Variants in EFCAB13 observed in about 807,000 individuals in gnomAD.
EFCAB13 encodes the protein EF-hand calcium binding domain 13, also known as EF-hand calcium-binding domain-containing protein 13.
A neutral mutation model predicts 110.2 loss-of-function variants in EFCAB13; 91 were observed. That is an observed-to-expected ratio of 0.83 (90% CI 0.70 to 0.98). The LOEUF is 0.98. Ranked by LOEUF, EFCAB13 falls within the 50% of genes least tolerant of loss-of-function variation. EFCAB13 has a pLI of 0.00. For synonymous variants in EFCAB13, 323 were observed against 369.9 expected, an observed-to-expected ratio of 0.87 and a Z score of 1.45; for missense variants, 968 against 1,119.4, an observed-to-expected ratio of 0.86 and a Z score of 1.93.
intron 17 of EFCAB13, among the ~76,000 whole-genome samples, chr17:47,399,112 G>T (rs1416673682): frequency 6.6e-6 from 1 of 152,060 alleles, no homozygotes; most frequent in Non-Finnish European, 1.5e-5. Flanking sequence ...ACGGGGTTTT[G>T]TCATGTTGTC....
intron 6 of EFCAB13, among the ~76,000 whole-genome samples, chr17:47,342,717 A>G (rs568976885): frequency 1.3e-5 from 2 of 151,920 alleles, no homozygotes; most frequent in South Asian, 4.2e-4. Context: ...CCCTCTTTCA[A>G]TCTCTTTACT....
intron 24 of EFCAB13, among the ~76,000 whole-genome samples, chr17:47,440,066 G>T (rs1432539815): frequency 2.0e-5 from 3 of 151,732 alleles, no homozygotes; most frequent in African/African-American, 7.3e-5. Flanking sequence ...CTGTAGTTTT[G>T]TAGGCAATTA....
intron 17 of EFCAB13, among the ~76,000 whole-genome samples, chr17:47,396,735 T>C (rs2065740543): frequency 6.6e-6 from 1 of 152,204 alleles, no homozygotes; most frequent in Admixed American, 6.5e-5. Flanking sequence ...TTTTCATCCA[T>C]TAAGCTTCCA....
chr17:47,347,938 T>G lies in EFCAB13; in HGVS notation c.648T>G (p.Thr216=). The G allele has an allele frequency of 6.7e-7, 1 of 1,501,034 alleles. No homozygotes were observed. Among genetic ancestry groups the G allele is most frequent in the Non-Finnish European group, 9.0e-7 (1 of 1,111,924 alleles). The allele number at this position is 1,501,034 out of a possible 1,614,324, so 93.0% of individuals were successfully genotyped here. Reference sequence around the variant, plus strand: ...TAGAAATGCGACAGGCACTAAAGACTGTTGATATTGATGGTAAGTTTTATC... The same window carrying G: ...TAGAAATGCGACAGGCACTAAAGACGGTTGATATTGATGGTAAGTTTTATC... ...SDLEMRQALK[T]VDIDAFQDAL... Residue 216 remains threonine, a synonymous_variant, in exon 9 of 25, where the codon ACT becomes ACG. Transcript: ENST00000331493.
chr17:47,324,312 G>T lies in EFCAB13; in HGVS notation c.-317-142G>T, dbSNP rs549290851. 162 of 153,002 alleles carry T rather than the reference G, an allele frequency of 1.1e-3. 1 individual carries two copies. Among genetic ancestry groups the T allele is most frequent in the Non-Finnish European group, 1.3e-3 (88 of 68,558 alleles). 9.5% of individuals were successfully genotyped at this position (153,002 alleles called of 1,614,324 possible). A position where few individuals can be genotyped will look rare whatever the true frequency, so the allele number is the denominator to read the frequency against. ...ATCAGGTGGTTCCTCAGAAATGGTGGTTGTTGTAGAAGGCTGGCGGTCCCG... is the reference window on the plus strand; with the variant it reads ...ATCAGGTGGTTCCTCAGAAATGGTGTTTGTTGTAGAAGGCTGGCGGTCCCG... On this transcript the variant is annotated intron_variant, in intron 1 of 24. Transcript: ENST00000331493.
chr17:47,405,125 A>G (rs1239015491), intron 20 of EFCAB13, among the ~76,000 whole-genome samples: 1 of 152,186 alleles, frequency 6.6e-6, no homozygotes, highest in Non-Finnish European at 1.5e-5. Flanking sequence ...GTGTTCCACT[A>G]TATTATGTAA....
At chr17:47,387,643 G>GGAT (rs200257056) in intron 14 of EFCAB13, among the ~76,000 whole-genome samples, 7,580 of 152,242 alleles carry the variant, frequency 0.05, 251 homozygotes, top group East Asian at 0.11. Flanking sequence ...ACACATTGCT[G>GGAT]TCTTATTAAG....
At chr17:47,358,006 A>T (rs1016562198) in intron 9 of EFCAB13, among the ~76,000 whole-genome samples, 9 of 152,190 alleles carry the variant, frequency 5.9e-5, no homozygotes, top group African/African-American at 2.2e-4. Flanking sequence ...GTGTTCTGAG[A>T]CTAATCAAGA....
intron 24 of EFCAB13, among the ~76,000 whole-genome samples, chr17:47,438,211 C>A (rs543289366): frequency 2.0e-5 from 3 of 152,168 alleles, no homozygotes; most frequent in Admixed American, 6.5e-5. Flanking sequence ...ACAGCTCTTA[C>A]GAGTCTTTCC....
intron 23 of EFCAB13, among the ~76,000 whole-genome samples, chr17:47,419,951 C>CACGGTCTCCCTCTCCCT (rs1253627016): frequency 9.7e-5 from 14 of 144,556 alleles, no homozygotes; most frequent in South Asian, 4.4e-4. Context: ...TCCCTCTCCC[C>CACGGTCTCCCTCTCCCT]ACGGTCTCCC....
chr17:47,388,646 GT>G (rs2065689580), intron 14 of EFCAB13, among the ~76,000 whole-genome samples: 1 of 151,918 alleles, frequency 6.6e-6, no homozygotes, highest in African/African-American at 2.4e-5. Context: ...TACTTTGTTG[GT>G]GGTCCATTGG....
At chr17:47,344,120 G>T (rs1185283432) in intron 6 of EFCAB13, 42 bp from the exon 7 acceptor site, 5 of 1,588,416 alleles carry the variant, frequency 3.1e-6, no homozygotes, top group Non-Finnish European at 3.4e-6. Flanking sequence ...AATTACCAGT[G>T]TCACTCACCT....
At chr17:47,423,447 G>A (rs1904794411) in intron 23 of EFCAB13, 1 of 199,014 alleles carries the variant, frequency 5.0e-6, no homozygotes, top group African/African-American at 2.3e-5. Context: ...GCGGCCCGGG[G>A]CGGAGTTGGC....
chr17:47,399,642 GA>G (rs996111055), intron 17 of EFCAB13, among the ~76,000 whole-genome samples: 2 of 150,940 alleles, frequency 1.3e-5, no homozygotes, highest in Admixed American at 1.3e-4. Context: ...ATGTTAAAAA[GA>G]AAAAAAACCC....
rs548994560 is a variant in EFCAB13 at position 47,334,311 on chromosome 17, C to A, written c.31-885C>A. 3.3e-5 allele frequency among the ~76,000 whole-genome samples: 5 copies of A among 151,920 alleles called. No individual in the cohort carries two copies. In the South Asian group the frequency reaches 1.0e-3, roughly 31 times the overall value. ...CTTTAGCTCATTTTAAAATTGAGTTCTTTTTTATTATGTTTTAAGAGTTCT... is the reference window on the plus strand; with the variant it reads ...CTTTAGCTCATTTTAAAATTGAGTTATTTTTTATTATGTTTTAAGAGTTCT... On this transcript the variant is annotated intron_variant, in intron 4 of 24. Coordinates refer to ENST00000331493, the MANE Select transcript of EFCAB13 (RefSeq NM_152347.5).
intron 21 of EFCAB13, among the ~76,000 whole-genome samples, chr17:47,410,723 G>C (rs1016282039): frequency 2.0e-5 from 3 of 152,204 alleles, no homozygotes; most frequent in Non-Finnish European, 1.5e-5. Flanking sequence ...AGGGAGAAAT[G>C]AGTGAGAAGA....
chr17:47,414,855 G>T lies in EFCAB13; in HGVS notation c.2430G>T (p.Met810Ile). The T allele has an allele frequency of 1.2e-6, 2 of 1,602,592 alleles. No individual in the cohort carries two copies. The highest frequency in any genetic ancestry group is 1.7e-6 in the Non-Finnish European group (2 of 1,172,124). Reference protein sequence around the residue: ...ALNCCNVSDNMEVDLKDFLMK... With the variant: ...ALNCCNVSDNIEVDLKDFLMK... ...TTTACTTTGACCTTCCAGATAATAT[G>T]GAGGTGGATTTAAAAGATTTCTTAA... The change falls in exon 23 of 25, where the codon ATG (methionine) becomes ATT (isoleucine). Residue 810 changes from methionine (M) to isoleucine (I), a missense_variant. Transcript: ENST00000331493.
chr17:47,437,523 GTC>G (rs1209845712), intron 24 of EFCAB13, among the ~76,000 whole-genome samples: 4 of 152,104 alleles, frequency 2.6e-5, no homozygotes. Context: ...GTCCTTCTTT[GTC>G]TCTTTTAACT....
chr17:47,380,766 G>A (rs1055829165), intron 14 of EFCAB13, among the ~76,000 whole-genome samples: 5 of 151,838 alleles, frequency 3.3e-5, no homozygotes, highest in African/African-American at 4.8e-5. Context: ...TTTAATGATC[G>A]CCATTCTAAC....
Sources: allele counts gnomAD v4.1 joint callset (sites outside exome capture counted in the v4.1 genomes callset), GRCh38; gene constraint gnomAD v4.1.1; transcripts MANE v1.5; gene names NCBI Gene and HGNC (gene_info 2026-07-23, HGNC 2026-07-21).